Variants in CYP46A1 observed in about 807,000 individuals in gnomAD.
The protein encoded by CYP46A1 is cholesterol 24-hydroxylase.
In CYP46A1, 20 loss-of-function variants were observed where a neutral mutation model predicts 63.3. The observed-to-expected ratio is 0.32, with a 90% CI of 0.22 to 0.46. CYP46A1 has a LOEUF of 0.46. Among genes scored for constraint, CYP46A1 ranks in the 20% least tolerant of loss-of-function variants. CYP46A1 has a pLI of 1.00. For synonymous variants in CYP46A1, 268 were observed against 273.6 expected, an observed-to-expected ratio of 0.98 and a Z score of 0.20; for missense variants, 445 against 670.8, an observed-to-expected ratio of 0.66 and a Z score of 3.72.
Position 99,715,911 on chromosome 14 carries a change from G to A in CYP46A1, c.795G>A (p.Leu265=), listed in dbSNP as rs2056784871. 6.2e-7 allele frequency: 1 copy of A among 1,600,630 alleles called. No homozygotes were observed. The highest frequency in any genetic ancestry group is 2.3e-5 in the East Asian group (1 of 43,832). Residue 265 remains leucine (L), a synonymous_variant, in exon 8 of 15, where the codon CTG becomes CTA. Coordinates refer to ENST00000261835, the MANE Select transcript of CYP46A1 (RefSeq NM_006668.2). ...GGGTCCAGCGCCGCCGGGAAGCCCT[G>A]AAGAGGGGCGAGGAGGTTCCTGCCG... ...RDWVQRRREA[L]KRGEEVPADI... is the part of the protein sequence containing the mutation.
intron 1 of CYP46A1, among the ~76,000 whole-genome samples, chr14:99,685,747 G>A (rs1373387561): frequency 1.3e-5 from 2 of 151,928 alleles, no homozygotes; most frequent in African/African-American, 2.4e-5. Context: ...GATGGGTTCA[G>A]GAAAGATCTC....
chr14:99,717,892 A>G, intron 9 of CYP46A1, 162 bp from the exon 10 acceptor site: 1 of 557,520 alleles, frequency 1.8e-6, no homozygotes, highest in East Asian at 3.0e-5. Flanking sequence ...CCCCGGGCCA[A>G]GTGAGACCTA....
At position 99,722,357 on chromosome 14, in the gene CYP46A1, G is replaced by A. The variant is rs1219189329; in HGVS notation, c.1176+291G>A. 1.3e-5 allele frequency among the ~76,000 whole-genome samples: 2 copies of A among 152,180 alleles called. No homozygotes were observed. Among genetic ancestry groups the A allele is most frequent in the Non-Finnish European group, 2.9e-5 (2 of 68,044 alleles). Reference sequence around the variant, plus strand: ...TAGGTCACTTTCCTGGGGTCACACAGCTGGTGAAAAGCAGATATGGAAATT... The same window carrying A: ...TAGGTCACTTTCCTGGGGTCACACAACTGGTGAAAAGCAGATATGGAAATT... On this transcript the variant is annotated intron_variant, in intron 12 of 14. Transcript: ENST00000261835. This position sits in a 1 kb window ranked among gnomAD's most constrained non-coding sequence, Gnocchi z 4.6.
chr14:99,712,861 A>T (rs2056747231), intron 7 of CYP46A1: 1 of 152,234 alleles, frequency 6.6e-6, no homozygotes, highest in Admixed American at 6.5e-5. Context: ...AAAAAGAACA[A>T]AGCTGGAGGC....
chr14:99,715,804 G>C lies in CYP46A1; in HGVS notation c.694-6G>C. 1.9e-6 allele frequency: 3 copies of C among 1,614,168 alleles called. No homozygotes were observed. The highest frequency in any genetic ancestry group is 2.5e-6 in the Non-Finnish European group (3 of 1,180,034). On this transcript the variant is annotated splice_polypyrimidine_tract_variant and splice_region_variant and intron_variant, in intron 7 of 14. Transcript: ENST00000261835. ...TTGGCCATCTGGAGCTGAAACTCTT[G>C]TTTAGTTCCTGCCAGGGAAGAGGAA...
chr14:99,701,912 A>G (rs976844962), intron 5 of CYP46A1, among the ~76,000 whole-genome samples: 11 of 152,118 alleles, frequency 7.2e-5, no homozygotes, highest in Non-Finnish European at 1.3e-4. Flanking sequence ...TTTACTAAAG[A>G]TACAAAAATT....
chr14:99,721,858 G>T, intron 11 of CYP46A1, 98 bp from the exon 12 acceptor site: 1 of 936,674 alleles, frequency 1.1e-6, no homozygotes, highest in Non-Finnish European at 1.7e-6. Flanking sequence ...CACTCAGCCT[G>T]TGGGTGGGAA....
At position 99,726,119 on chromosome 14, in the gene CYP46A1, T is replaced by C; in HGVS notation, c.1266-71T>C. ...GTTCATCCAGACCTGGGTTAACTAC[T>C]GTCTTCCTTATGTTGTTCCTGTGGG... is the stretch of plus-strand genomic sequence containing the variant. On this transcript the variant is annotated intron_variant, in intron 13 of 14. Transcript: ENST00000261835. 4 of 1,391,584 alleles carry C rather than the reference T, an allele frequency of 2.9e-6. No individual in the cohort carries two copies. In the South Asian group the frequency reaches 4.6e-5, roughly 16 times the overall value. 86.2% of individuals were successfully genotyped at this position (1,391,584 alleles called of 1,614,324 possible).
chr14:99,726,519 C>A (rs1207921310), intron 14 of CYP46A1, 38 bp from the exon 15 acceptor site: 2 of 1,512,844 alleles, frequency 1.3e-6, no homozygotes, highest in African/African-American at 2.7e-5. Flanking sequence ...TCTGTCTTTG[C>A]TCCTTCATTC....
chr14:99,715,820 G>C lies in CYP46A1; in HGVS notation c.704G>C (p.Gly235Ala), dbSNP rs771302947. The C allele has an allele frequency of 1.1e-5, 18 of 1,614,180 alleles. No homozygotes were observed. Among genetic ancestry groups the C allele is most frequent in the Non-Finnish European group, 1.5e-5 (18 of 1,180,026 alleles). Residue 235 changes from glycine to alanine, a missense_variant, in exon 8 of 15, where the codon GGG becomes GCG. By Grantham distance (60) the Gly-to-Ala change is moderately conservative. Around this residue, in one of 4 missense-constraint regions of CYP46A1, gnomAD observed 252 missense variants for 383.3 expected, o/e 0.66. Coordinates refer to ENST00000261835, the MANE Select transcript of CYP46A1 (RefSeq NM_006668.2). ...GAAACTCTTGTTTAGTTCCTGCCAG[G>C]GAAGAGGAAGCAGCTCCGGGAGGTC... is the stretch of plus-strand genomic sequence containing the variant. ...SRNTLAKFLP[G>A]KRKQLREVRE...
chr14:99,693,996 C>A (rs115174330), intron 3 of CYP46A1, among the ~76,000 whole-genome samples: 3,360 of 152,268 alleles, frequency 0.022, 109 homozygotes, highest in African/African-American at 0.076. Flanking sequence ...TCCCCTCCCC[C>A]CAGACCCTGG....
At chr14:99,696,380 T>C (rs2056587750) in intron 3 of CYP46A1, among the ~76,000 whole-genome samples, 1 of 152,092 alleles carries the variant, frequency 6.6e-6, no homozygotes, top group Non-Finnish European at 1.5e-5. Flanking sequence ...CTCAGCCTCC[T>C]GAGTAGCTGA....
At chr14:99,726,474 C>G in intron 14 of CYP46A1, 83 bp from the exon 15 acceptor site, 1 of 1,361,824 alleles carries the variant, frequency 7.3e-7, no homozygotes, top group Non-Finnish European at 9.9e-7. Flanking sequence ...GGAGGAGAGC[C>G]GGCTGTGACA....
chr14:99,726,348 G>GGGGCTGCT (rs3830998), intron 14 of CYP46A1, 92 bp downstream of exon 14: 324,913 of 1,300,554 alleles, frequency 0.25, 48,002 homozygotes, highest in East Asian at 0.35. Context: ...CCCCTGCTCT[G>GGGGCTGCT]GGGCTGCTGG....
At chr14:99,691,657 CT>C in intron 2 of CYP46A1, 122 bp from the exon 3 acceptor site, 1 of 895,664 alleles carries the variant, frequency 1.1e-6, no homozygotes, top group Non-Finnish European at 1.8e-6. Context: ...GGACAGCACT[CT>C]TTTGGTAGCA....
chr14:99,699,974 C>T (rs1381188184), intron 4 of CYP46A1, 41 bp from the exon 5 acceptor site: 3 of 474,838 alleles, frequency 6.3e-6, no homozygotes, highest in East Asian at 6.0e-5. Flanking sequence ...CGCTCCCCAC[C>T]CCCCACCCTC....
At position 99,691,133 on chromosome 14, in the gene CYP46A1, C is replaced by T. The variant is rs762981146; in HGVS notation, c.172C>T (p.Arg58Cys). 7 of 1,614,118 alleles carry T rather than the reference C, an allele frequency of 4.3e-6. No individual in the cohort carries two copies. The highest frequency in any genetic ancestry group is 5.1e-6 in the Non-Finnish European group (6 of 1,180,012). ...CFWKKDEVGG[R>C]VLQDVFLDWA... The stretch of plus-strand genomic sequence containing the variant: ...TTGGAAAAAGGATGAGGTTGGTGGC[C>T]GTGTGCTCCAAGATGTGTTTTTGGA... Residue 58 changes from arginine (R) to cysteine (C), a missense_variant, in exon 2 of 15, where the codon CGT (arginine) becomes TGT (cysteine). By Grantham distance (180) the Arg-to-Cys change is radical. This residue lies in a region of CYP46A1 where 252 missense variants were observed against 383.3 expected (regional missense o/e 0.66). Transcript: ENST00000261835.
At chr14:99,719,363 C>A (rs2056822052) in intron 10 of CYP46A1, among the ~76,000 whole-genome samples, 1 of 150,796 alleles carries the variant, frequency 6.6e-6, no homozygotes, top group Non-Finnish European at 1.5e-5. Flanking sequence ...AGGTGTGCAC[C>A]ACCACACCTG....
rs1251708447 is a variant in CYP46A1 at position 99,722,528 on chromosome 14, C to T, written c.1176+462C>T. On this transcript the variant is annotated intron_variant, in intron 12 of 14. Transcript: ENST00000261835. This position sits in a 1 kb window ranked among gnomAD's most constrained non-coding sequence, Gnocchi z 4.6. ...TTGTTCATTTATCCATTCATCCAGG[C>T]ATTTACTCATGTATGATAGCCCCTA... is the stretch of plus-strand genomic sequence containing the variant. 6.6e-6 allele frequency among the ~76,000 whole-genome samples: 1 copy of T among 152,066 alleles called. No homozygotes were observed. Among genetic ancestry groups the T allele is most frequent in the African/African-American group, 2.4e-5 (1 of 41,382 alleles).
Sources: gnomAD v4.1 joint callset for allele counts (sites outside exome capture counted in the v4.1 genomes callset) on GRCh38, gnomAD v4.1.1 for gene constraint, gnomAD v4.1.1 regional missense constraint, Gnocchi (gnomAD v3.1) non-coding constraint, MANE v1.5 for transcripts, NCBI Gene and HGNC (gene_info 2026-07-23, HGNC 2026-07-21) for gene names.